CYP39A1: variants seen among roughly 807,000 people sequenced by gnomAD.
CYP39A1 encodes the protein cytochrome P450 family 39 subfamily A member 1, also known as 24-hydroxycholesterol 7-alpha-hydroxylase.
Under a neutral mutation model 58.1 loss-of-function variants are expected in CYP39A1, and 49 were observed. That is an observed-to-expected ratio of 0.84 (90% CI 0.67 to 1.07). CYP39A1 has a LOEUF of 1.07. CYP39A1 is among the 50% of genes least tolerant of loss of function. The pLI is 0.00. For missense variants in CYP39A1, 531 were observed against 539.4 expected (o/e 0.98, Z 0.16); for synonymous variants, 209 against 187.6 (o/e 1.11, Z -0.93).
At chr6:46,587,276 G>T (rs1460339261) in intron 9 of CYP39A1, 111 bp from the exon 10 acceptor site, 8 of 741,604 alleles carry the variant, frequency 1.1e-5, no homozygotes, top group Non-Finnish European at 2.4e-6. Context: ...ATATAAAGTT[G>T]CAGGGTTGTT....
chr6:46,566,801 TTA>T (rs1403652496), intron 10 of CYP39A1, among the ~76,000 whole-genome samples: 1 of 151,654 alleles, frequency 6.6e-6, no homozygotes. Context: ...TAAATAAGAA[TTA>T]TATATATATT....
Position 46,613,985 on chromosome 6 carries a change from TAAA to T in CYP39A1, c.931+11430_931+11432del, listed in dbSNP as rs1394071625. 2.0e-3 allele frequency among the ~76,000 whole-genome samples: 296 copies of T among 150,054 alleles called. 1 individual carries two copies. Among genetic ancestry groups the T allele is most frequent in the African/African-American group, 7.1e-3 (291 of 41,204 alleles). On this transcript the variant is annotated intron_variant, in intron 7 of 11. Coordinates refer to ENST00000275016, the MANE Select transcript of CYP39A1 (RefSeq NM_016593.5). The stretch of plus-strand genomic sequence containing the variant: ...CATCTAAATATGTACTCTAAATATT[TAAA>T]TAAAATTATATTTTAATTAAAATAG...
chr6:46,589,117 C>T (rs1772654837), intron 8 of CYP39A1, among the ~76,000 whole-genome samples: 1 of 152,074 alleles, frequency 6.6e-6, no homozygotes, highest in African/African-American at 2.4e-5. Flanking sequence ...AAAACTTTTA[C>T]TTTAGGTTTA....
intron 7 of CYP39A1, among the ~76,000 whole-genome samples, chr6:46,599,709 T>C (rs1773374727): frequency 6.6e-6 from 1 of 152,146 alleles, no homozygotes; most frequent in Non-Finnish European, 1.5e-5. Flanking sequence ...TTCTATAAAA[T>C]ACCATCAGTG....
At chr6:46,638,378 TA>T (rs1287692766) in intron 3 of CYP39A1, among the ~76,000 whole-genome samples, 2 of 152,164 alleles carry the variant, frequency 1.3e-5, no homozygotes, top group Non-Finnish European at 2.9e-5. Context: ...TTCAGGGCAA[TA>T]TTAGTCACCA....
At chr6:46,575,618 C>T (rs1771807242) in intron 10 of CYP39A1, among the ~76,000 whole-genome samples, 1 of 152,232 alleles carries the variant, frequency 6.6e-6, no homozygotes, top group Non-Finnish European at 1.5e-5. Flanking sequence ...CACTGGAATA[C>T]ATGCACACAG....
chr6:46,625,345 A>T, intron 7 of CYP39A1, 73 bp downstream of exon 7: 1 of 1,043,524 alleles, frequency 9.6e-7, no homozygotes, highest in Non-Finnish European at 1.4e-6. Context: ...AATTATAGGT[A>T]TTTAGCTTTG....
chr6:46,604,173 A>AT lies in CYP39A1; in HGVS notation c.932-8054dup, dbSNP rs149577374. ...TTATATTCACATACCCAGAGGGCAC[A>AT]TGAGAGCAAATGTTAAGGAAATCAA... On this transcript the variant is annotated intron_variant, in intron 7 of 11. Coordinates refer to ENST00000275016, the MANE Select transcript of CYP39A1 (RefSeq NM_016593.5). Among the ~76,000 whole-genome samples the AT allele has an allele frequency of 4.4e-3, 669 of 152,332 alleles. 5 individuals carry two copies. Among genetic ancestry groups the AT allele is most frequent in the African/African-American group, 0.015 (629 of 41,582 alleles).
chr6:46,578,012 G>T (rs1027973146), intron 10 of CYP39A1, among the ~76,000 whole-genome samples: 1 of 151,990 alleles, frequency 6.6e-6, no homozygotes, highest in Non-Finnish European at 1.5e-5. Flanking sequence ...CTCTAAGATT[G>T]ACCACATGCT....
intron 7 of CYP39A1, among the ~76,000 whole-genome samples, chr6:46,606,604 G>A (rs1773860644): frequency 6.6e-6 from 1 of 152,156 alleles, no homozygotes; most frequent in Admixed American, 6.5e-5. Flanking sequence ...GAAACTGAGT[G>A]ATTTGGGCTA....
intron 7 of CYP39A1, among the ~76,000 whole-genome samples, chr6:46,596,460 T>C (rs777275091): frequency 3.9e-5 from 6 of 152,084 alleles, no homozygotes; most frequent in Middle Eastern, 3.2e-3. Flanking sequence ...TAAATTCTCA[T>C]TCCACTTATG....
rs369768352 is a variant in CYP39A1, at chr6:46,637,957, T to G, written c.510A>C (p.Thr170=). The G allele has an allele frequency of 3.1e-6, 5 of 1,610,628 alleles. No homozygotes were observed. Among genetic ancestry groups the G allele is most frequent in the Non-Finnish European group, 4.2e-6 (5 of 1,179,296 alleles). ...AACTTTTATTAAAGAGCATATTCAC[T>G]GTGACTGGATAAAGGAGATGTCTAC... ...NLVRHLLYPV[T]VNMLFNKSLF... is the part of the protein sequence containing the mutation. Residue 170 remains threonine (T), a synonymous_variant, in exon 4 of 12, where the codon ACA becomes ACC. Transcript: ENST00000275016.
chr6:46,646,926 T>C (rs1582473083), intron 1 of CYP39A1, among the ~76,000 whole-genome samples: 1 of 152,122 alleles, frequency 6.6e-6, no homozygotes, highest in African/African-American at 2.4e-5. Flanking sequence ...CGGTCATTGG[T>C]GTTTTCTCTA....
chr6:46,626,193 G>A (rs572170937), intron 6 of CYP39A1, among the ~76,000 whole-genome samples: 6 of 151,896 alleles, frequency 4.0e-5, no homozygotes, highest in African/African-American at 7.2e-5. Context: ...ATCTTTCCTC[G>A]TTGTGGTATT....
At chr6:46,566,768 T>G (rs901623274) in intron 10 of CYP39A1, among the ~76,000 whole-genome samples, 1 of 151,938 alleles carries the variant, frequency 6.6e-6, no homozygotes, top group African/African-American at 2.4e-5. Context: ...CTCATTGAGA[T>G]AAGATTGACC....
intron 10 of CYP39A1, chr6:46,583,655 T>C (rs1020120322): frequency 1.6e-5 from 15 of 949,036 alleles, no homozygotes; most frequent in Non-Finnish European, 1.8e-5. Context: ...TTTTCTTCCA[T>C]GTGCTACAAG....
intron 5 of CYP39A1, 152 bp downstream of exon 5, chr6:46,636,237 A>G (rs1775981670): frequency 1.8e-6 from 1 of 563,240 alleles, no homozygotes; most frequent in Admixed American, 3.5e-5. Flanking sequence ...GTGATGATGT[A>G]ACAGTGAAAT....
intron 7 of CYP39A1, among the ~76,000 whole-genome samples, chr6:46,608,640 G>A (rs1330067768): frequency 1.3e-5 from 2 of 151,318 alleles, no homozygotes; most frequent in Non-Finnish European, 2.9e-5. Context: ...TTGAGACGGA[G>A]TCTCACTCTT....
intron 10 of CYP39A1, among the ~76,000 whole-genome samples, chr6:46,585,750 C>G (rs555350854): frequency 6.6e-6 from 1 of 152,222 alleles, no homozygotes. Context: ...ACAAGCTCCT[C>G]AAATCTGATG....
Sources: gnomAD v4.1 joint callset for allele counts (sites outside exome capture counted in the v4.1 genomes callset) on GRCh38, gnomAD v4.1.1 for gene constraint, MANE v1.5 for transcripts, NCBI Gene and HGNC (gene_info 2026-07-23, HGNC 2026-07-21) for gene names.